OR52R1: variants seen among roughly 807,000 people sequenced by gnomAD.
OR52R1 encodes olfactory receptor family 52 subfamily R member 1.
For synonymous variants in OR52R1, 159 were observed against 150.1 expected (o/e 1.06, Z -0.43); for missense variants, 432 against 395.1 (o/e 1.09, Z -0.79).
rs61746977 is a variant in OR52R1, at chr11:4,804,300, C to A, written c.81G>T (p.Gln27His). 1.6e-4 allele frequency: 251 copies of A among 1,614,068 alleles called. 2 individuals are homozygous for A. In the African/African-American group the frequency reaches 2.5e-3, roughly 16 times the overall value. ...CACAGAACGGAAAGGCAATCCACAA[C>A]TGGAAACTCTCCAGGCCTGGGATTC... is the stretch of plus-strand genomic sequence containing the variant. ...LLGIPGLESF[Q>H]LWIAFPFCAT... is the part of the protein sequence containing the mutation. The change falls in exon 1 of 1, where the codon CAG becomes CAT. Residue 27 changes from glutamine to histidine, a missense_variant. Physicochemically the swap from Gln to His is conservative, Grantham distance 24 (BLOSUM62 0). Coordinates refer to ENST00000624978, the MANE Select transcript of OR52R1 (RefSeq NM_001005177.3).
At position 4,804,331 on chromosome 11, in the gene OR52R1, A is replaced by G. The variant is rs1274422787; in HGVS notation, c.50T>C (p.Leu17Pro). ...NSSSHPVSFI[L>P]LGIPGLESFQ... ...ACTCTCCAGGCCTGGGATTCCAAGC[A>G]GGATGAAGGACACAGGATGAGAAGA... The change falls in exon 1 of 1, where the codon CTG becomes CCG. Residue 17 changes from leucine to proline, a missense_variant. Leu to Pro is a moderately conservative substitution (Grantham distance 98). Transcript: ENST00000624978. 1 of 1,614,196 alleles carries G rather than the reference A, an allele frequency of 6.2e-7. No individual in the cohort carries two copies. The highest frequency in any genetic ancestry group is 1.1e-5 in the South Asian group (1 of 91,084).
In OR52R1 at chr11:4,803,879, T is replaced by C. The variant is rs368835444; in HGVS notation, c.502A>G (p.Arg168Gly). 1.1e-5 allele frequency: 18 copies of C among 1,612,462 alleles called. No homozygotes were observed. In the African/African-American group the frequency reaches 2.4e-4, roughly 22 times the overall value. Residue 168 changes from arginine (R) to glycine (G), a missense_variant, in exon 1 of 1, where the codon AGG becomes GGG. Arg to Gly is a moderately radical substitution (Grantham distance 125). Transcript: ENST00000624978. ...WVSPFCFMVS[R>G]MPFCQHQAIP... is the part of the protein sequence containing the mutation. ...GCTTGGTGTTGGCAGAAGGGCATCC[T>C]AGACACCATGAAGCAGAAGGGGCTC...
chr11:4,804,054 G>A lies in OR52R1; in HGVS notation c.327C>T (p.Ala109=). The change falls in exon 1 of 1, where the codon GCC becomes GCT. Residue 109 remains alanine, a synonymous_variant. Coordinates refer to ENST00000624978, the MANE Select transcript of OR52R1 (RefSeq NM_001005177.3). The part of the protein sequence containing the change: ...ACLIQVFFIH[A]FSSVESGVLM... ...GCACCCCAGACTCCACAGAAGAAAAGGCATGGATGAAGAACACCTGGATGA... is the reference window on the plus strand; with the variant it reads ...GCACCCCAGACTCCACAGAAGAAAAAGCATGGATGAAGAACACCTGGATGA... 6.2e-7 allele frequency: 1 copy of A among 1,614,030 alleles called. No homozygotes were observed. The highest frequency in any genetic ancestry group is 1.1e-5 in the South Asian group (1 of 91,080).
In OR52R1 at chr11:4,803,840, A is replaced by T; in HGVS notation, c.541T>A (p.Tyr181Asn). The change falls in exon 1 of 1, where the codon TAC becomes AAC. Residue 181 changes from tyrosine to asparagine, a missense_variant. By Grantham distance (143) the Tyr-to-Asn change is moderately radical (BLOSUM62 -2). Coordinates refer to ENST00000624978, the MANE Select transcript of OR52R1 (RefSeq NM_001005177.3). ...FCQHQAIPQS[Y>N]CEHMAVLKLV... ...TTCAGCACAGCCATGTGCTCACAGT[A>T]TGACTGGGGAATGGCTTGGTGTTGG... is the stretch of plus-strand genomic sequence containing the variant. 6 of 1,613,014 alleles carry T rather than the reference A, an allele frequency of 3.7e-6. No individual in the cohort carries two copies. The highest frequency in any genetic ancestry group is 5.1e-6 in the Non-Finnish European group (6 of 1,179,854).
Position 4,803,806 on chromosome 11 carries a change from C to A in OR52R1, c.575G>T (p.Cys192Phe), listed in dbSNP as rs765100364. 1 of 1,613,044 alleles carries A rather than the reference C, an allele frequency of 6.2e-7. No individual in the cohort carries two copies. The highest frequency in any genetic ancestry group is 2.2e-5 in the East Asian group (1 of 44,838). Reference protein sequence around the residue: ...CEHMAVLKLVCADTSISRGNG... With the variant: ...CEHMAVLKLVFADTSISRGNG... ...CCCACGACTTATGCTTGTATCAGCACACACCAACTTCAGCACAGCCATGTG... is the reference window on the plus strand; with the variant it reads ...CCCACGACTTATGCTTGTATCAGCAAACACCAACTTCAGCACAGCCATGTG... The change falls in exon 1 of 1, where the codon TGT becomes TTT. Residue 192 changes from cysteine (C) to phenylalanine (F), a missense_variant. Cys to Phe is a radical substitution (Grantham distance 205). Coordinates refer to ENST00000624978, the MANE Select transcript of OR52R1 (RefSeq NM_001005177.3).
chr11:4,804,334 A>T lies in OR52R1; in HGVS notation c.47T>A (p.Ile16Asn). The change falls in exon 1 of 1, where the codon ATC becomes AAC. Residue 16 changes from isoleucine to asparagine, a missense_variant. Coordinates refer to ENST00000624978, the MANE Select transcript of OR52R1 (RefSeq NM_001005177.3). The stretch of plus-strand genomic sequence containing the variant: ...CTCCAGGCCTGGGATTCCAAGCAGG[A>T]TGAAGGACACAGGATGAGAAGAGCT... ...GNSSSHPVSF[I>N]LLGIPGLESF... 6.2e-7 allele frequency: 1 copy of T among 1,614,170 alleles called. No homozygotes were observed. The highest frequency in any genetic ancestry group is 8.5e-7 in the Non-Finnish European group (1 of 1,180,032).
rs780166679 is a variant in OR52R1 at position 4,804,089 on chromosome 11, G to C, written c.292C>G (p.His98Asp). The C allele has an allele frequency of 6.2e-6, 10 of 1,614,048 alleles. No individual in the cohort carries two copies. Among genetic ancestry groups the C allele is most frequent in the Non-Finnish European group, 7.6e-6 (9 of 1,180,014 alleles). The change falls in exon 1 of 1, where the codon CAT becomes GAT. Residue 98 changes from histidine (H) to aspartate (D), a missense_variant. Physicochemically the swap from His to Asp is moderately conservative, Grantham distance 81. Coordinates refer to ENST00000624978, the MANE Select transcript of OR52R1 (RefSeq NM_001005177.3). ...AAGAACACCTGGATGAGGCAGGCAT[G>C]GTACTGAATCTCATGAGCATGAAAC... is the stretch of plus-strand genomic sequence containing the variant. ...FWFHAHEIQYHACLIQVFFIH... is the reference protein window; with the variant it reads ...FWFHAHEIQYDACLIQVFFIH...
chr11:4,803,504 T>G lies in OR52R1; in HGVS notation c.877A>C (p.Ile293Leu). 1.2e-6 allele frequency: 2 copies of G among 1,613,960 alleles called. No individual in the cohort carries two copies. Among genetic ancestry groups the G allele is most frequent in the South Asian group, 2.2e-5 (2 of 91,058 alleles). Reference protein sequence around the residue: ...YLLIPPMLNPIIYGVRTKQIG... With the variant: ...YLLIPPMLNPLIYGVRTKQIG... ...TGTTTGGTTCTAACTCCATAAATGA[T>G]GGGGTTGAGCATGGGAGGTATCAGT... The change falls in exon 1 of 1, where the codon ATC (isoleucine) becomes CTC (leucine). Residue 293 changes from isoleucine to leucine, a missense_variant. Ile to Leu is a conservative substitution (Grantham distance 5). Transcript: ENST00000624978.
chr11:4,803,729 C>T lies in OR52R1; in HGVS notation c.652G>A (p.Gly218Ser), dbSNP rs1327901951. 6.2e-7 allele frequency: 1 copy of T among 1,613,562 alleles called. No homozygotes were observed. The highest frequency in any genetic ancestry group is 1.7e-5 in the Admixed American group (1 of 59,926). The change falls in exon 1 of 1, where the codon GGT becomes AGT. Residue 218 changes from glycine (G) to serine (S), a missense_variant. Coordinates refer to ENST00000624978, the MANE Select transcript of OR52R1 (RefSeq NM_001005177.3). ...SVAGFDMIVI[G>S]MSYVMILRAV... The stretch of plus-strand genomic sequence containing the variant: ...CTCAAAATCATCACGTATGACATAC[C>T]AATGACAATCATATCAAAGCCAGCC...
In OR52R1 at chr11:4,803,611, G is replaced by C. The variant is rs1481058715; in HGVS notation, c.770C>G (p.Pro257Arg). 1 of 1,613,878 alleles carries C rather than the reference G, an allele frequency of 6.2e-7. No homozygotes were observed. The highest frequency in any genetic ancestry group is 8.5e-7 in the Non-Finnish European group (1 of 1,180,004). The change falls in exon 1 of 1, where the codon CCA (proline) becomes CGA (arginine). Residue 257 changes from proline to arginine, a missense_variant. By Grantham distance (103) the Pro-to-Arg change is moderately radical (BLOSUM62 -2). Coordinates refer to ENST00000624978, the MANE Select transcript of OR52R1 (RefSeq NM_001005177.3). ...HICVILALYI[P>R]ALFSFLTYRF... The stretch of plus-strand genomic sequence containing the variant: ...GTAGGTGAGGAAAGAAAAAAGGGCT[G>C]GGATATAAAGAGCCAAGATGACACA...
At position 4,804,270 on chromosome 11, in the gene OR52R1, C is replaced by G. The variant is rs773610816; in HGVS notation, c.111G>C (p.Thr37=). 2 of 1,613,758 alleles carry G rather than the reference C, an allele frequency of 1.2e-6. No individual in the cohort carries two copies. Among genetic ancestry groups the G allele is most frequent in the Non-Finnish European group, 1.7e-6 (2 of 1,179,800 alleles). The change falls in exon 1 of 1, where the codon ACG becomes ACC. Residue 37 remains threonine, a synonymous_variant. Coordinates refer to ENST00000624978, the MANE Select transcript of OR52R1 (RefSeq NM_001005177.3). ...QLWIAFPFCA[T]YAVAVVGNIT... ...TATTTCCAACAACAGCCACAGCATA[C>G]GTGGCACAGAACGGAAAGGCAATCC... is the stretch of plus-strand genomic sequence containing the variant.
Position 4,803,487 on chromosome 11 carries a change from T to A in OR52R1, c.894A>T (p.Arg298Ser). ...PMLNPIIYGV[R>S]TKQIGDRVIQ... ...TAACCCTGTCCCCGATCTGTTTGGT[T>A]CTAACTCCATAAATGATGGGGTTGA... Residue 298 changes from arginine to serine, a missense_variant, in exon 1 of 1, where the codon AGA becomes AGT. By Grantham distance (110) the Arg-to-Ser change is moderately radical. Coordinates refer to ENST00000624978, the MANE Select transcript of OR52R1 (RefSeq NM_001005177.3). 1 of 1,614,084 alleles carries A rather than the reference T, an allele frequency of 6.2e-7. No homozygotes were observed. Among genetic ancestry groups the A allele is most frequent in the Non-Finnish European group, 8.5e-7 (1 of 1,179,992 alleles).
At position 4,803,575 on chromosome 11, in the gene OR52R1, T is replaced by C. The variant is rs775626240; in HGVS notation, c.806A>G (p.His269Arg). The C allele has an allele frequency of 1.5e-5, 25 of 1,613,900 alleles. 1 individual carries two copies. The Middle Eastern group carries it at 6.6e-4, about 42-fold the overall frequency. ...GATGTGTACAACTCGGGGCACATCA[T>C]GGCCAAAGCGGTAGGTGAGGAAAGA... is the stretch of plus-strand genomic sequence containing the variant. ...LFSFLTYRFG[H>R]DVPRVVHILF... Residue 269 changes from histidine (H) to arginine (R), a missense_variant, in exon 1 of 1, where the codon CAT (histidine) becomes CGT (arginine). His to Arg is a conservative substitution (Grantham distance 29). Coordinates refer to ENST00000624978, the MANE Select transcript of OR52R1 (RefSeq NM_001005177.3).
Position 4,803,647 on chromosome 11 carries a change from G to A in OR52R1, c.734C>T (p.Ser245Phe). 1.2e-6 allele frequency: 2 copies of A among 1,613,888 alleles called. No individual in the cohort carries two copies. Among genetic ancestry groups the A allele is most frequent in the Non-Finnish European group, 8.5e-7 (1 of 1,179,982 alleles). Residue 245 changes from serine (S) to phenylalanine (F), a missense_variant, in exon 1 of 1, where the codon TCC (serine) becomes TTC (phenylalanine). Physicochemically the swap from Ser to Phe is radical, Grantham distance 155 (BLOSUM62 -2). Coordinates refer to ENST00000624978, the MANE Select transcript of OR52R1 (RefSeq NM_001005177.3). Reference protein sequence around the residue: ...EARLKAFSTRSSHICVILALY... With the variant: ...EARLKAFSTRFSHICVILALY... ...AGCCAAGATGACACAGATATGGGAG[G>A]AACGTGTGCTAAAAGCTTTGAGGCG...
chr11:4,804,056 C>T lies in OR52R1; in HGVS notation c.325G>A (p.Ala109Thr), dbSNP rs1418019141. ...ACCCCAGACTCCACAGAAGAAAAGGCATGGATGAAGAACACCTGGATGAGG... is the reference window on the plus strand; with the variant it reads ...ACCCCAGACTCCACAGAAGAAAAGGTATGGATGAAGAACACCTGGATGAGG... ...ACLIQVFFIH[A>T]FSSVESGVLM... The change falls in exon 1 of 1, where the codon GCC (alanine) becomes ACC (threonine). Residue 109 changes from alanine to threonine, a missense_variant. By Grantham distance (58) the Ala-to-Thr change is moderately conservative. Coordinates refer to ENST00000624978, the MANE Select transcript of OR52R1 (RefSeq NM_001005177.3). The T allele has an allele frequency of 2.5e-6, 4 of 1,613,888 alleles. No homozygotes were observed. Among genetic ancestry groups the T allele is most frequent in the Admixed American group, 1.7e-5 (1 of 59,962 alleles).
At position 4,804,071 on chromosome 11, in the gene OR52R1, CCT is replaced by C. The variant is rs1197341824; in HGVS notation, c.308_309del (p.Gln103ArgfsTer34). On this transcript the variant is annotated frameshift_variant, in exon 1 of 1. Coordinates refer to ENST00000624978, the MANE Select transcript of OR52R1 (RefSeq NM_001005177.3). LOFTEE classifies it low-confidence loss of function (END_TRUNC). Reference protein sequence around the residue: ...HEIQYHACLIQVFFIHAFSSV... With the variant: ...HEIQYHACLIXVFFIHAFSSV... ...GAAGAAAAGGCATGGATGAAGAACA[CCT>C]GGATGAGGCAGGCATGGTACTGAAT... The C allele has an allele frequency of 6.2e-7, 1 of 1,613,894 alleles. No individual in the cohort carries two copies. The highest frequency in any genetic ancestry group is 8.5e-7 in the Non-Finnish European group (1 of 1,180,036).
rs199922393 is a variant in OR52R1, at chr11:4,803,564, G to C, written c.817C>G (p.Arg273Gly). Residue 273 changes from arginine to glycine, a missense_variant, in exon 1 of 1, where the codon CGA becomes GGA. Physicochemically the swap from Arg to Gly is moderately radical, Grantham distance 125. Transcript: ENST00000624978. ...TTAGCAAACAGGATGTGTACAACTC[G>C]GGGCACATCATGGCCAAAGCGGTAG... is the stretch of plus-strand genomic sequence containing the variant. The part of the protein sequence containing the change: ...LTYRFGHDVP[R>G]VVHILFANLY... 167 of 1,613,752 alleles carry C rather than the reference G, an allele frequency of 1.0e-4. No homozygotes were observed. The highest frequency in any genetic ancestry group is 1.3e-4 in the Non-Finnish European group (151 of 1,179,914).
chr11:4,804,275 C>CACAGAACGGA lies in OR52R1; in HGVS notation c.96_105dup (p.Ala36SerfsTer23), dbSNP rs762933247. The CACAGAACGGA allele has an allele frequency of 2.4e-5, 38 of 1,613,876 alleles. No homozygotes were observed. Among genetic ancestry groups the CACAGAACGGA allele is most frequent in the Non-Finnish European group, 3.2e-5 (38 of 1,179,996 alleles). ...CCAACAACAGCCACAGCATACGTGG[C>CACAGAACGGA]ACAGAACGGAAAGGCAATCCACAAC... is the stretch of plus-strand genomic sequence containing the variant. On this transcript the variant is annotated frameshift_variant, in exon 1 of 1. Coordinates refer to ENST00000624978, the MANE Select transcript of OR52R1 (RefSeq NM_001005177.3). LOFTEE classifies it low-confidence loss of function (END_TRUNC).
Position 4,803,837 on chromosome 11 carries a change from A to C in OR52R1, c.544T>G (p.Cys182Gly). ...CQHQAIPQSY[C>G]EHMAVLKLVC... ...AACTTCAGCACAGCCATGTGCTCAC[A>C]GTATGACTGGGGAATGGCTTGGTGT... The change falls in exon 1 of 1, where the codon TGT (cysteine) becomes GGT (glycine). Residue 182 changes from cysteine (C) to glycine (G), a missense_variant. Transcript: ENST00000624978. 6.2e-7 allele frequency: 1 copy of C among 1,613,122 alleles called. No individual in the cohort carries two copies. Among genetic ancestry groups the C allele is most frequent in the South Asian group, 1.1e-5 (1 of 90,948 alleles).
Sources: allele counts gnomAD v4.1 joint callset, GRCh38; gene constraint gnomAD v4.1.1; transcripts MANE v1.5; gene names NCBI Gene and HGNC (gene_info 2026-07-23, HGNC 2026-07-21).